Variants in PTPN5 observed in about 807,000 individuals in gnomAD.
PTPN5 encodes the protein tyrosine-protein phosphatase non-receptor type 5.
PTPN5 carries 29 observed loss-of-function variants against 73.9 expected under a neutral mutation model. The ratio of observed to expected loss-of-function variants is 0.39; its 90% confidence interval spans 0.29 to 0.54. The LOEUF is 0.54. PTPN5 is among the 20% of genes least tolerant of loss of function. The pLI is 0.65. For missense variants in PTPN5, 652 were observed against 751.4 expected, an observed-to-expected ratio of 0.87 and a Z score of 1.55; for synonymous variants, 267 against 304.7, an observed-to-expected ratio of 0.88 and a Z score of 1.29.
rs1334179875 is a variant in PTPN5, at chr11:18,763,523, T to C, written c.97+2284A>G. On this transcript the variant is annotated intron_variant, in intron 3 of 14. Transcript: ENST00000358540. ...TGACCAAAACTCTTCTATTCTACAC[T>C]GGTTGCTTGCTTTTGGGGAGAAATG... 2.6e-5 allele frequency among the ~76,000 whole-genome samples: 4 copies of C among 152,342 alleles called. No homozygotes were observed. The South Asian group carries it at 8.3e-4, about 32-fold the overall frequency.
At chr11:18,757,453 CAGGGAACCAA>C (rs1357208877) in intron 3 of PTPN5, among the ~76,000 whole-genome samples, 2 of 152,184 alleles carry the variant, frequency 1.3e-5, no homozygotes, top group Non-Finnish European at 2.9e-5. Flanking sequence ...GTAAGGAGTC[CAGGGAACCAA>C]AGGGACATTC....
At chr11:18,743,194 CAGA>C (rs967419755) in intron 5 of PTPN5, 119 bp from the exon 6 acceptor site, 3 of 1,220,248 alleles carry the variant, frequency 2.5e-6, no homozygotes, top group African/African-American at 3.0e-5. Context: ...GGGGAGCAGG[CAGA>C]AGAACTTCAG....
Position 18,728,861 on chromosome 11 carries a change from C to T in PTPN5, c.*73G>A, listed in dbSNP as rs903572704. On this transcript the variant is annotated 3_prime_UTR_variant, in exon 15 of 15. Transcript: ENST00000358540. This position sits in a 1 kb window ranked among gnomAD's most constrained non-coding sequence, Gnocchi z 4.1. ...GGAAGCGGGGAGCAGGCCCAGGACC[C>T]GAGGCAGGGCCCTGGGTGAGGGCCG... 54 of 1,483,414 alleles carry T rather than the reference C, an allele frequency of 3.6e-5. No homozygotes were observed. In the East Asian group the frequency reaches 8.0e-4, roughly 22 times the overall value. The allele number at this position is 1,483,414 out of a possible 1,614,324, so 91.9% of individuals were successfully genotyped here. A position where few individuals can be genotyped will look rare whatever the true frequency, so the allele number is the denominator to read the frequency against.
chr11:18,782,690 A>G (rs1851493911), intron 1 of PTPN5, among the ~76,000 whole-genome samples: 1 of 152,186 alleles, frequency 6.6e-6, no homozygotes, highest in Admixed American at 6.5e-5. Context: ...GCTCTTGGTG[A>G]TGGTTATATG....
At chr11:18,735,936 C>T (rs1849093054) in intron 9 of PTPN5, among the ~76,000 whole-genome samples, 1 of 152,148 alleles carries the variant, frequency 6.6e-6, no homozygotes, top group Non-Finnish European at 1.5e-5. Context: ...TAGAGGTTTA[C>T]TGCAATGATC....
In PTPN5 at chr11:18,729,213, C is replaced by CT. The variant is rs1322491247; in HGVS notation, c.1605-187dup. ...GGGACACAGATGACATGTCCTACCA[C>CT]TTTCGGCCTCTGTCCTTTTATCCAC... On this transcript the variant is annotated intron_variant, in intron 14 of 14. Transcript: ENST00000358540. This position sits in a 1 kb window ranked among gnomAD's most constrained non-coding sequence, Gnocchi z 5.2. Among the ~76,000 whole-genome samples the CT allele has an allele frequency of 6.6e-6, 1 of 152,196 alleles. No homozygotes were observed. The highest frequency in any genetic ancestry group is 1.9e-4 in the East Asian group (1 of 5,178).
intron 1 of PTPN5, among the ~76,000 whole-genome samples, chr11:18,781,831 T>C (rs1214400219): frequency 1.3e-5 from 2 of 152,090 alleles, no homozygotes; most frequent in African/African-American, 2.4e-5. Context: ...AAAGGCCCAC[T>C]GAGGCTGTCT....
chr11:18,735,137 C>T (rs1252823999), intron 9 of PTPN5, among the ~76,000 whole-genome samples: 1 of 152,174 alleles, frequency 6.6e-6, no homozygotes, highest in Non-Finnish European at 1.5e-5. Flanking sequence ...TTATTCCTGA[C>T]ATTATTACAA....
chr11:18,732,534 C>A, intron 12 of PTPN5, 58 bp downstream of exon 12: 1 of 1,297,528 alleles, frequency 7.7e-7, no homozygotes. Flanking sequence ...TCTGTGGAGC[C>A]CCCAGTTAAG....
At chr11:18,777,744 G>A (rs577450586) in intron 1 of PTPN5, among the ~76,000 whole-genome samples, 4 of 152,224 alleles carry the variant, frequency 2.6e-5, no homozygotes, top group South Asian at 2.1e-4. Flanking sequence ...CCATGAGTTC[G>A]AGACCAGCTT....
At chr11:18,770,220 G>A (rs533356425) in intron 2 of PTPN5, among the ~76,000 whole-genome samples, 1 of 152,296 alleles carries the variant, frequency 6.6e-6, no homozygotes, top group East Asian at 1.9e-4. Context: ...ATAATGTTGT[G>A]CAACCATCAT....
chr11:18,760,766 C>T (rs1850349973), intron 3 of PTPN5, among the ~76,000 whole-genome samples: 3 of 152,224 alleles, frequency 2.0e-5, no homozygotes, highest in Admixed American at 6.5e-5. Context: ...CCCTGTGCCC[C>T]GTCTCTTCTG....
chr11:18,755,972 C>G (rs969813767), intron 3 of PTPN5, among the ~76,000 whole-genome samples: 29 of 139,726 alleles, frequency 2.1e-4, no homozygotes, highest in Non-Finnish European at 3.8e-4. Flanking sequence ...CCACTGCACT[C>G]CAGCCTGGGC....
intron 3 of PTPN5, 35 bp from the exon 4 acceptor site, chr11:18,744,234 G>A (rs764995618): frequency 2.3e-5 from 34 of 1,457,174 alleles, no homozygotes; most frequent in East Asian, 5.3e-5. Context: ...CGATGACTCC[G>A]GCCCTGTCCA....
Position 18,729,560 on chromosome 11 carries a change from C to T in PTPN5, c.1497G>A (p.Gly499=). 2.5e-6 allele frequency: 4 copies of T among 1,592,246 alleles called. No homozygotes were observed. Among genetic ancestry groups the T allele is most frequent in the Non-Finnish European group, 3.4e-6 (4 of 1,170,506 alleles). The change falls in exon 14 of 15, where the codon GGG becomes GGA. Residue 499 remains glycine (G), a synonymous_variant. Transcript: ENST00000358540. The surrounding 1 kb of genome is among the most constrained non-coding windows in gnomAD (Gnocchi z 5.2). ...CAPIIVHCSA[G]IGRTGCFIAT... is the part of the protein sequence containing the mutation. Reference sequence around the variant, plus strand: ...CAATGAAGCAGCCGGTCCTCCCAATCCCTGCACTGAGGGCCGAGGGGACCG... The same window carrying T: ...CAATGAAGCAGCCGGTCCTCCCAATTCCTGCACTGAGGGCCGAGGGGACCG...
intron 4 of PTPN5, 161 bp downstream of exon 4, chr11:18,743,845 C>G (rs1233024381): frequency 2.5e-6 from 2 of 796,656 alleles, no homozygotes; most frequent in Non-Finnish European, 3.7e-6. Flanking sequence ...AGAATTCCAG[C>G]CTTCCCCTTA....
intron 3 of PTPN5, among the ~76,000 whole-genome samples, chr11:18,746,717 G>T (rs1235125996): frequency 6.6e-6 from 1 of 152,198 alleles, no homozygotes; most frequent in Non-Finnish European, 1.5e-5. Flanking sequence ...TCACGAGAGG[G>T]TATCTACCTT....
chr11:18,776,132 C>T lies in PTPN5; in HGVS notation c.-113-4061G>A, dbSNP rs560332489. 5.3e-5 allele frequency among the ~76,000 whole-genome samples: 8 copies of T among 152,268 alleles called. 1 individual carries two copies. In the South Asian group the frequency reaches 1.7e-3, roughly 32 times the overall value. On this transcript the variant is annotated intron_variant, in intron 1 of 14. Transcript: ENST00000358540. ...ATTCTGCTCCCTCTCCCTGCACCTG[C>T]CCCCAGGTATGCAGTTTAATTTACC...
At chr11:18,778,989 C>T (rs1851296826) in intron 1 of PTPN5, among the ~76,000 whole-genome samples, 1 of 152,140 alleles carries the variant, frequency 6.6e-6, no homozygotes. Flanking sequence ...CCGGATGGTC[C>T]ATGATGATCC....
Sources: gnomAD v4.1 joint callset for allele counts (sites outside exome capture counted in the v4.1 genomes callset) on GRCh38, gnomAD v4.1.1 for gene constraint, Gnocchi (gnomAD v3.1) non-coding constraint, MANE v1.5 for transcripts, NCBI Gene and HGNC (gene_info 2026-07-23, HGNC 2026-07-21) for gene names.